The following GLIS3 variants were observed in gnomAD, a reference collection of about 807,000 sequenced individuals.
GLIS3 encodes the protein GLIS family zinc finger 3.
Under a neutral mutation model 78.6 loss-of-function variants are expected in GLIS3, and 53 were observed. The ratio of observed to expected loss-of-function variants is 0.67; its 90% confidence interval spans 0.54 to 0.85. The LOEUF (loss-of-function observed/expected upper bound fraction) is 0.85. Among genes scored for constraint, GLIS3 ranks in the 40% least tolerant of loss-of-function variants. The pLI, the probability that GLIS3 is intolerant of heterozygous loss-of-function variation, is 0.00. For synonymous variants in GLIS3, 684 were observed against 509.9 expected, an observed-to-expected ratio of 1.34 and a Z score of -4.60; for missense variants, 1,703 against 1,231.1, an observed-to-expected ratio of 1.38 and a Z score of -5.74.
chr9:4,479,282 A>G, the GLIS3 span, among the ~76,000 whole-genome samples: 4 of 152,226 alleles, frequency 2.6e-5, no homozygotes, highest in African/African-American at 9.6e-5. Flanking sequence ...AAGATACTTT[A>G]CAACTTAACC....
At chr9:4,237,796 C>G (rs1197427568) in intron 2 of GLIS3, among the ~76,000 whole-genome samples, 1 of 152,204 alleles carries the variant, frequency 6.6e-6, no homozygotes, top group Non-Finnish European at 1.5e-5. Flanking sequence ...GTTCTTTTCT[C>G]TCTTCCTGTT....
At chr9:4,333,377 G>C (rs1229512850) in intron 2 of GLIS3, among the ~76,000 whole-genome samples, 1 of 151,616 alleles carries the variant, frequency 6.6e-6, no homozygotes, top group Non-Finnish European at 1.5e-5. Flanking sequence ...AGGGAAGAAA[G>C]GAAGGGAGAG....
chr9:4,332,444 T>A (rs192616733), intron 2 of GLIS3, among the ~76,000 whole-genome samples: 1 of 152,336 alleles, frequency 6.6e-6, no homozygotes, highest in East Asian at 1.9e-4. Context: ...TATGGCCACG[T>A]GACTAAGTTC....
chr9:4,264,697 C>G (rs996761320), intron 2 of GLIS3, among the ~76,000 whole-genome samples: 1 of 152,146 alleles, frequency 6.6e-6, no homozygotes, highest in African/African-American at 2.4e-5. Flanking sequence ...TTCTCCTCAT[C>G]CCTCTGAAAC....
chr9:4,283,790 G>A (rs986202426), intron 2 of GLIS3, among the ~76,000 whole-genome samples: 2 of 152,232 alleles, frequency 1.3e-5, no homozygotes, highest in African/African-American at 2.4e-5. Flanking sequence ...AAATCTGGAA[G>A]AAACGATACA....
intron 2 of GLIS3, among the ~76,000 whole-genome samples, chr9:4,321,990 T>A (rs1817536189): frequency 6.6e-6 from 1 of 152,104 alleles, no homozygotes; most frequent in African/African-American, 2.4e-5. Flanking sequence ...TAACTAGTCA[T>A]TCACATTAGG....
intron 8 of GLIS3, among the ~76,000 whole-genome samples, chr9:3,862,838 C>T (rs2130310586): frequency 6.6e-6 from 1 of 152,228 alleles, no homozygotes; most frequent in Non-Finnish European, 1.5e-5. Flanking sequence ...ATTGTATTCA[C>T]ACGAAAAATA....
intron 2 of GLIS3, among the ~76,000 whole-genome samples, chr9:4,248,141 A>G (rs1289420236): frequency 6.6e-6 from 1 of 152,140 alleles, no homozygotes; most frequent in East Asian, 1.9e-4. Flanking sequence ...CAGAACGTCC[A>G]GGCTTGTTAC....
At chr9:4,323,910 C>G (rs139351787) in intron 2 of GLIS3, among the ~76,000 whole-genome samples, 1 of 152,222 alleles carries the variant, frequency 6.6e-6, no homozygotes. Flanking sequence ...AAATAAGTAA[C>G]TGAAACCACT....
the GLIS3 span, among the ~76,000 whole-genome samples, chr9:4,394,076 C>A: frequency 6.7e-6 from 1 of 148,510 alleles, no homozygotes; most frequent in Non-Finnish European, 1.5e-5. Context: ...GAAAATTTGT[C>A]TCTTAAAAAA....
rs76333194 is a variant in GLIS3 at position 4,105,376 on chromosome 9, G to A, written c.1710+12392C>T. 8.6e-3 allele frequency among the ~76,000 whole-genome samples: 1,312 copies of A among 152,286 alleles called. 12 individuals carry two copies. Among genetic ancestry groups the A allele is most frequent in the Non-Finnish European group, 0.013 (890 of 68,002 alleles). Reference sequence around the variant, plus strand: ...TGTTTGACAAGTGCAGCAGGAGCCTGTCAAGACACTTGGCAGCATCATTCC... The same window carrying A: ...TGTTTGACAAGTGCAGCAGGAGCCTATCAAGACACTTGGCAGCATCATTCC... On this transcript the variant is annotated intron_variant, in intron 4 of 10. Coordinates refer to ENST00000381971, the MANE Select transcript of GLIS3 (RefSeq NM_001042413.2).
chr9:3,908,923 G>C (rs1177247406), intron 6 of GLIS3, among the ~76,000 whole-genome samples: 11 of 152,088 alleles, frequency 7.2e-5, no homozygotes, highest in Non-Finnish European at 4.4e-5. Context: ...TAGGAGCAAA[G>C]GCATTCTGTT....
intron 2 of GLIS3, among the ~76,000 whole-genome samples, chr9:4,279,783 T>G (rs2130270982): frequency 6.6e-6 from 1 of 152,164 alleles, no homozygotes; most frequent in South Asian, 2.1e-4. Flanking sequence ...TATTTTCCTG[T>G]ATCATTCCTT....
intron 8 of GLIS3, among the ~76,000 whole-genome samples, chr9:3,859,351 ACACACACACACACACACACACACACACAC>A (rs1820008879): frequency 1.6e-3 from 1 of 626 alleles, no homozygotes; most frequent in South Asian, 0.042. Context: ...TTTCTTCGAA[ACACACACACACACACACACACACACACAC>A]ACACACACAC....
intron 10 of GLIS3, 54 bp downstream of exon 10, chr9:3,829,256 C>T (rs1223696253): frequency 9.7e-6 from 15 of 1,551,372 alleles, no homozygotes; most frequent in South Asian, 1.1e-5. Flanking sequence ...GGCAGCCCAC[C>T]TGGTCTCTCC....
the GLIS3 span, among the ~76,000 whole-genome samples, chr9:4,463,074 T>G: frequency 6.6e-6 from 1 of 152,228 alleles, no homozygotes; most frequent in Non-Finnish European, 1.5e-5. Context: ...TAGCATTTCT[T>G]AGTTACTGAC....
chr9:3,898,534 C>G (rs982863047), intron 7 of GLIS3, 157 bp downstream of exon 7: 1 of 772,972 alleles, frequency 1.3e-6, no homozygotes, highest in South Asian at 1.5e-5. Flanking sequence ...ACACCCAGCT[C>G]AGGAATCAGA....
In GLIS3 at chr9:4,180,198, G is replaced by C. The variant is rs535390265; in HGVS notation, c.389-54257C>G. ...AGGCGGTCCATGCACAAGGAGAGGA[G>C]ATGGGGACTGGAGAGACTTGGGAAC... is the stretch of plus-strand genomic sequence containing the variant. On this transcript the variant is annotated intron_variant, in intron 2 of 10. Transcript: ENST00000381971. Among the ~76,000 whole-genome samples the C allele has an allele frequency of 5.3e-5, 8 of 152,274 alleles. No homozygotes were observed. The South Asian group carries it at 1.7e-3, about 32-fold the overall frequency.
intron 2 of GLIS3, among the ~76,000 whole-genome samples, chr9:4,283,036 TTCCCAGAATAAG>T (rs1827690577): frequency 6.6e-6 from 1 of 151,898 alleles, no homozygotes; most frequent in South Asian, 2.1e-4. Flanking sequence ...TTTTTCTCCC[TTCCCAGAATAAG>T]TCCCAGACAA....
Sources: allele counts gnomAD v4.1 joint callset (sites outside exome capture counted in the v4.1 genomes callset), GRCh38; gene constraint gnomAD v4.1.1; transcripts MANE v1.5; gene names NCBI Gene and HGNC (gene_info 2026-07-23, HGNC 2026-07-21).